Variants in MAGI2 observed in about 807,000 individuals in gnomAD.
MAGI2 encodes membrane-associated guanylate kinase, WW and PDZ domain-containing protein 2.
MAGI2 carries 35 observed loss-of-function variants against 133.3 expected under a neutral mutation model. The observed-to-expected ratio is 0.26, with a 90% CI of 0.20 to 0.35. The LOEUF is 0.35. Ranked by LOEUF, MAGI2 falls within the 10% of genes least tolerant of loss-of-function variation. The probability of loss-of-function intolerance (pLI) is 1.00; values close to 1 mark genes in which losing one functional copy is unlikely to be tolerated. For missense variants in MAGI2, 1,636 were observed against 1,863.4 expected (o/e 0.88, Z 2.25); for synonymous variants, 729 against 710.6 (o/e 1.03, Z -0.41).
At chr7:78,385,995 T>G (rs199930892) in intron 6 of MAGI2, among the ~76,000 whole-genome samples, 1 of 147,652 alleles carries the variant, frequency 6.8e-6, no homozygotes, top group East Asian at 2.0e-4. Flanking sequence ...AGAGCAAAAC[T>G]TCCCCCCCTA....
intron 2 of MAGI2, among the ~76,000 whole-genome samples, chr7:78,635,036 C>G (rs1427828865): frequency 6.6e-6 from 1 of 152,114 alleles, no homozygotes; most frequent in Non-Finnish European, 1.5e-5. Flanking sequence ...ATTTCTTAAA[C>G]AACAGCTTAT....
chr7:78,340,783 A>T (rs910037863), intron 9 of MAGI2, among the ~76,000 whole-genome samples: 4 of 152,132 alleles, frequency 2.6e-5, no homozygotes, highest in African/African-American at 7.2e-5. Context: ...CTCTCCATAA[A>T]CTAGGTATTG....
chr7:78,500,151 T>C (rs533756884), intron 5 of MAGI2, among the ~76,000 whole-genome samples: 5 of 152,356 alleles, frequency 3.3e-5, no homozygotes, highest in African/African-American at 4.8e-5. Flanking sequence ...TACCTGATTA[T>C]GTAGTCCCTT....
intron 9 of MAGI2, among the ~76,000 whole-genome samples, chr7:78,295,118 T>G (rs1797100913): frequency 6.6e-6 from 1 of 152,196 alleles, no homozygotes; most frequent in African/African-American, 2.4e-5. Flanking sequence ...TAGTTTTTTG[T>G]GCAGTACCTT....
chr7:78,242,432 C>T lies in MAGI2; in HGVS notation c.2047+13511G>A, dbSNP rs576621295. Reference sequence around the variant, plus strand: ...AGTGAGAAATAAACTTTTATTAAGTCGCTAAGACTTCATGGTGTATTTGTT... The same window carrying T: ...AGTGAGAAATAAACTTTTATTAAGTTGCTAAGACTTCATGGTGTATTTGTT... On this transcript the variant is annotated intron_variant, in intron 10 of 21. Coordinates refer to ENST00000354212, the MANE Select transcript of MAGI2 (RefSeq NM_012301.4). Among the ~76,000 whole-genome samples the T allele has an allele frequency of 8.5e-5, 13 of 152,232 alleles. No individual in the cohort carries two copies. In the South Asian group the frequency reaches 1.0e-3, roughly 12 times the overall value.
intron 21 of MAGI2, among the ~76,000 whole-genome samples, chr7:78,026,515 G>T (rs1193594285): frequency 1.3e-5 from 2 of 152,350 alleles, no homozygotes; most frequent in East Asian, 3.9e-4. Context: ...CAGAGGTTGA[G>T]AAAGAAAAAT....
chr7:78,251,947 C>A (rs1792427143), intron 10 of MAGI2: 1 of 151,866 alleles, frequency 6.6e-6, no homozygotes, highest in Non-Finnish European at 1.5e-5. Context: ...TCTAGACACC[C>A]CTGGGAAACA....
chr7:78,988,962 A>G (rs940643492), intron 2 of MAGI2, among the ~76,000 whole-genome samples: 1 of 152,118 alleles, frequency 6.6e-6, no homozygotes, highest in African/African-American at 2.4e-5. Context: ...AAGATGTGAA[A>G]TAAATAACAG....
intron 9 of MAGI2, among the ~76,000 whole-genome samples, chr7:78,281,038 C>A (rs1795518939): frequency 6.6e-6 from 1 of 151,972 alleles, no homozygotes; most frequent in East Asian, 1.9e-4. Context: ...AAAGAGTCAT[C>A]AGATATCATT....
intron 2 of MAGI2, among the ~76,000 whole-genome samples, chr7:78,671,871 G>A (rs899900610): frequency 2.0e-5 from 3 of 152,136 alleles, no homozygotes; most frequent in Non-Finnish European, 2.9e-5. Flanking sequence ...AAGATATCAC[G>A]CTTAATCTCT....
At chr7:78,257,466 GTCC>G (rs1270761761) in intron 9 of MAGI2, among the ~76,000 whole-genome samples, 2 of 152,120 alleles carry the variant, frequency 1.3e-5, no homozygotes, top group Non-Finnish European at 2.9e-5. Context: ...AAAGGCACTT[GTCC>G]TTTCTCCCCA....
At chr7:79,185,963 T>A (rs1192692804) in intron 1 of MAGI2, among the ~76,000 whole-genome samples, 1 of 151,620 alleles carries the variant, frequency 6.6e-6, no homozygotes, top group Non-Finnish European at 1.5e-5. Context: ...AATGCACTTA[T>A]ATGAACTTAA....
intron 4 of MAGI2, among the ~76,000 whole-genome samples, chr7:78,517,649 T>C (rs1447994233): frequency 3.9e-5 from 6 of 152,186 alleles, no homozygotes; most frequent in African/African-American, 1.4e-4. Context: ...TTTTTTATTA[T>C]TGACAAGGAT....
At chr7:78,596,454 G>T (rs1426563556) in intron 3 of MAGI2, among the ~76,000 whole-genome samples, 1 of 152,184 alleles carries the variant, frequency 6.6e-6, no homozygotes, top group Non-Finnish European at 1.5e-5. Context: ...AAAATATAAC[G>T]TGGTGAGTGC....
intron 1 of MAGI2, among the ~76,000 whole-genome samples, chr7:79,174,550 T>C (rs1289712224): frequency 1.3e-5 from 2 of 151,874 alleles, no homozygotes; most frequent in African/African-American, 4.8e-5. Context: ...AAAGAGAACT[T>C]GGCAATCAAT....
chr7:78,375,242 A>G (rs1409274731), intron 6 of MAGI2, among the ~76,000 whole-genome samples: 1 of 152,098 alleles, frequency 6.6e-6, no homozygotes, highest in Non-Finnish European at 1.5e-5. Context: ...CTCCCTAGAA[A>G]AACTGGGTAA....
chr7:78,139,047 T>C (rs866107779), intron 16 of MAGI2, among the ~76,000 whole-genome samples: 38 of 152,242 alleles, frequency 2.5e-4, no homozygotes, highest in African/African-American at 8.7e-4. Flanking sequence ...AAAGCCATTT[T>C]AACTTTATTA....
chr7:78,195,913 G>C (rs1828685261), intron 11 of MAGI2, among the ~76,000 whole-genome samples: 1 of 152,080 alleles, frequency 6.6e-6, no homozygotes, highest in African/African-American at 2.4e-5. Flanking sequence ...TTTCCTTCCT[G>C]CTTTGAATTG....
chr7:79,028,403 T>C (rs1371338105), intron 1 of MAGI2, among the ~76,000 whole-genome samples: 1 of 149,476 alleles, frequency 6.7e-6, no homozygotes, highest in Non-Finnish European at 1.5e-5. Flanking sequence ...ACACATATGA[T>C]GCATAATTTC....
Sources: allele counts gnomAD v4.1 joint callset (sites outside exome capture counted in the v4.1 genomes callset), GRCh38; gene constraint gnomAD v4.1.1; transcripts MANE v1.5; gene names NCBI Gene and HGNC (gene_info 2026-07-23, HGNC 2026-07-21).